GSTCD: variants seen among roughly 807,000 people sequenced by gnomAD.
The protein encoded by GSTCD is glutathione S-transferase C-terminal domain-containing protein.
GSTCD carries 44 observed loss-of-function variants against 68.3 expected under a neutral mutation model. The ratio of observed to expected loss-of-function variants is 0.64; its 90% CI spans 0.51 to 0.83. The LOEUF is 0.83. Ranked by LOEUF, GSTCD falls within the 40% of genes least tolerant of loss-of-function variation. The pLI, the probability that GSTCD is intolerant of heterozygous loss-of-function variation, is 0.00. For missense variants in GSTCD, 739 were observed against 735.9 expected (o/e 1.00, Z -0.05); for synonymous variants, 273 against 255.2 (o/e 1.07, Z -0.67).
chr4:105,731,790 T>G (rs1451795577), intron 5 of GSTCD, among the ~76,000 whole-genome samples: 1 of 152,192 alleles, frequency 6.6e-6, no homozygotes, highest in Non-Finnish European at 1.5e-5. Flanking sequence ...AGGGAATGCT[T>G]CCAGTTTTTG....
At chr4:105,788,798 T>A (rs1281103888) in intron 5 of GSTCD, among the ~76,000 whole-genome samples, 1 of 152,076 alleles carries the variant, frequency 6.6e-6, no homozygotes, top group Non-Finnish European at 1.5e-5. Flanking sequence ...ATTATTGACA[T>A]TTATGATAAC....
intron 3 of GSTCD, among the ~76,000 whole-genome samples, chr4:105,724,363 T>C (rs1474833000): frequency 6.6e-6 from 1 of 151,760 alleles, no homozygotes; most frequent in African/African-American, 2.4e-5. Flanking sequence ...TTAAAATTTT[T>C]CTAATTTGAA....
chr4:105,742,243 A>G (rs1733652740), intron 5 of GSTCD, among the ~76,000 whole-genome samples: 1 of 152,088 alleles, frequency 6.6e-6, no homozygotes, highest in South Asian at 2.1e-4. Context: ...CTCTCCCCAC[A>G]TCTTATCTAC....
intron 11 of GSTCD, among the ~76,000 whole-genome samples, chr4:105,843,320 A>G (rs1388839141): frequency 1.3e-5 from 2 of 152,180 alleles, no homozygotes; most frequent in Admixed American, 6.5e-5. Context: ...TTGTCTTTCA[A>G]TGCCTTTCCT....
intron 5 of GSTCD, among the ~76,000 whole-genome samples, chr4:105,769,233 G>GCACACACACACACA (rs57039503): frequency 6.8e-6 from 1 of 146,230 alleles, no homozygotes; most frequent in African/African-American, 2.5e-5. Flanking sequence ...ATACACGCGC[G>GCACACACACACACA]CACACACACA....
chr4:105,788,039 T>C (rs903347900), intron 5 of GSTCD, among the ~76,000 whole-genome samples: 3 of 152,100 alleles, frequency 2.0e-5, no homozygotes, highest in Non-Finnish European at 2.9e-5. Flanking sequence ...TTTTTGCTTT[T>C]AGTACAGAGT....
At chr4:105,835,535 G>A (rs550611344) in intron 9 of GSTCD, among the ~76,000 whole-genome samples, 3 of 152,188 alleles carry the variant, frequency 2.0e-5, no homozygotes, top group South Asian at 4.1e-4. Flanking sequence ...CCAGAAGCTT[G>A]GAAACGCCAG....
intron 2 of GSTCD, among the ~76,000 whole-genome samples, chr4:105,718,249 G>A (rs1200849047): frequency 2.0e-5 from 3 of 152,192 alleles, no homozygotes; most frequent in Non-Finnish European, 4.4e-5. Flanking sequence ...AATGTTGTTG[G>A]AGGTGGGACC....
At chr4:105,773,469 C>G (rs1423577554) in intron 5 of GSTCD, among the ~76,000 whole-genome samples, 1 of 152,178 alleles carries the variant, frequency 6.6e-6, no homozygotes, top group Non-Finnish European at 1.5e-5. Flanking sequence ...GATTTTAGAT[C>G]TTTCCTGCTT....
chr4:105,747,318 A>T (rs966593675), intron 5 of GSTCD, among the ~76,000 whole-genome samples: 1 of 152,234 alleles, frequency 6.6e-6, no homozygotes, highest in African/African-American at 2.4e-5. Flanking sequence ...TCAAACTAGG[A>T]TATCTATCAG....
intron 5 of GSTCD, among the ~76,000 whole-genome samples, chr4:105,742,707 C>CTTTTTTTTTT (rs70941211): frequency 1.5e-5 from 2 of 130,398 alleles, no homozygotes; most frequent in Non-Finnish European, 1.7e-5. Flanking sequence ...GTTGTTTTTA[C>CTTTTTTTTTT]TTTTTTTTTT....
chr4:105,823,201 C>G lies in GSTCD; in HGVS notation c.1357-30C>G, dbSNP rs1264180494. 1.9e-6 allele frequency: 3 copies of G among 1,612,914 alleles called. No homozygotes were observed. The South Asian group carries it at 3.3e-5, about 18-fold the overall frequency. ...TGAGGAAAAGCTGTGGGGACCAAAG[C>G]TAACTTGTTTGTCTTACTGACTTTT... On this transcript the variant is annotated intron_variant, in intron 6 of 11. Transcript: ENST00000515279.
intron 5 of GSTCD, among the ~76,000 whole-genome samples, chr4:105,819,709 A>G (rs1031983556): frequency 2.6e-5 from 4 of 151,658 alleles, no homozygotes; most frequent in African/African-American, 7.2e-5. Flanking sequence ...TCACCTGTTC[A>G]AGGTTCTATT....
intron 5 of GSTCD, among the ~76,000 whole-genome samples, chr4:105,798,575 A>G (rs1735989958): frequency 6.6e-6 from 1 of 152,230 alleles, no homozygotes. Context: ...GTTAGCAGAC[A>G]TAAAAACAAC....
Position 105,845,425 on chromosome 4 carries a change from T to C in GSTCD, c.1766-16T>C. The stretch of plus-strand genomic sequence containing the variant: ...AGTGAAAGGGTGTCTCATGATACCA[T>C]TTGACTGTGTTTCAGGAAAACAGTG... On this transcript the variant is annotated splice_polypyrimidine_tract_variant and intron_variant, in intron 11 of 11. Coordinates refer to ENST00000515279, the MANE Select transcript of GSTCD (RefSeq NM_001370181.1). 1.2e-6 allele frequency: 2 copies of C among 1,613,982 alleles called. No individual in the cohort carries two copies. The highest frequency in any genetic ancestry group is 1.7e-6 in the Non-Finnish European group (2 of 1,179,916).
At chr4:105,776,044 A>G (rs776150529) in intron 5 of GSTCD, among the ~76,000 whole-genome samples, 3 of 152,234 alleles carry the variant, frequency 2.0e-5, no homozygotes, top group Admixed American at 6.5e-5. Flanking sequence ...TGCCCTGTCC[A>G]GAGAGGAGGA....
chr4:105,711,937 C>A (rs1732551445), intron 1 of GSTCD, among the ~76,000 whole-genome samples: 1 of 152,188 alleles, frequency 6.6e-6, no homozygotes, highest in Non-Finnish European at 1.5e-5. Flanking sequence ...TTATACTTTT[C>A]CCGATTCACC....
chr4:105,803,363 C>G (rs2553466), intron 5 of GSTCD, among the ~76,000 whole-genome samples: 141,254 of 152,080 alleles, frequency 0.93, 65,633 homozygotes, highest in East Asian at 0.97. Context: ...GCTTAAGAGT[C>G]AGAGAGGAGA....
intron 11 of GSTCD, among the ~76,000 whole-genome samples, chr4:105,842,930 A>C (rs1407681653): frequency 6.6e-6 from 1 of 152,214 alleles, no homozygotes; most frequent in Non-Finnish European, 1.5e-5. Context: ...GCTTCCCAGC[A>C]TACTGGTGTC....
Sources: allele counts gnomAD v4.1 joint callset (sites outside exome capture counted in the v4.1 genomes callset), GRCh38; gene constraint gnomAD v4.1.1; transcripts MANE v1.5; gene names NCBI Gene and HGNC (gene_info 2026-07-23, HGNC 2026-07-21).